Variants in DMD observed in about 807,000 individuals in gnomAD.
DMD encodes the protein mutant dystrophin.
DMD carries 63 observed loss-of-function variants against 330.1 expected under a neutral mutation model. The observed-to-expected ratio is 0.19, with a 90% CI of 0.16 to 0.24. The LOEUF (loss-of-function observed/expected upper bound fraction) is 0.24. Among genes scored for constraint, DMD ranks in the 10% least tolerant of loss-of-function variants. The probability of loss-of-function intolerance (pLI) is 1.00; values close to 1 mark genes in which losing one functional copy is unlikely to be tolerated. For missense variants in DMD, 3,344 were observed against 2,684.1 expected, an observed-to-expected ratio of 1.25 and a Z score of -5.43; for synonymous variants, 1,223 against 959.8, an observed-to-expected ratio of 1.27 and a Z score of -5.07.
chrX:33,181,431 A>G (rs1001294346), intron 1 of DMD, among the ~76,000 whole-genome samples: 5 of 111,888 alleles, frequency 4.5e-5, no homozygotes, highest in African/African-American at 1.6e-4. Context: ...GTTATAACAC[A>G]GGTAACTATA....
intron 30 of DMD, among the ~76,000 whole-genome samples, chrX:32,390,875 C>T (rs1749020099): frequency 1.8e-5 from 2 of 111,289 alleles, no homozygotes; most frequent in Admixed American, 1.9e-4. Flanking sequence ...TTCAGGGAAG[C>T]TATGAATCTA....
At chrX:33,077,062 C>A (rs1007150695) in intron 1 of DMD, among the ~76,000 whole-genome samples, 2 of 110,989 alleles carry the variant, frequency 1.8e-5, no homozygotes, top group Non-Finnish European at 3.8e-5. Context: ...GTTTATTGAT[C>A]TGGGTGGTGC....
intron 1 of DMD, among the ~76,000 whole-genome samples, chrX:33,071,422 T>TA (rs747432653): frequency 0.089 from 6,352 of 70,979 alleles, 291 homozygotes; most frequent in African/African-American, 0.13. Context: ...CTGTCCTGAT[T>TA]AAAAAAAAAA....
chrX:31,551,265 G>A (rs1200297201), intron 55 of DMD, among the ~76,000 whole-genome samples: 1 of 110,374 alleles, frequency 9.1e-6, no homozygotes, highest in Non-Finnish European at 1.9e-5. Flanking sequence ...ATGCTCTGAG[G>A]ATCTTTGGAA....
At chrX:32,959,285 C>T (rs2091771596) in intron 2 of DMD, among the ~76,000 whole-genome samples, 1 of 111,071 alleles carries the variant, frequency 9.0e-6, no homozygotes, top group South Asian at 3.8e-4. Flanking sequence ...GTACAAGGCA[C>T]CTAATTTGAA....
rs951089314 is a variant in DMD, at chrX:32,438,114, T to C, written c.4071+127A>G. ...TAAAGAATTTACCCAGTGTCTGGCA[T>C]TGGATTGTCTCTGAAACCTGAAAGC... On this transcript the variant is annotated intron_variant, in intron 29 of 78. Coordinates refer to ENST00000357033, the MANE Select transcript of DMD (RefSeq NM_004006.3). 4 of 700,202 alleles carry C rather than the reference T, an allele frequency of 5.7e-6. No individual in the cohort carries two copies. In the Admixed American group the frequency reaches 8.1e-5, roughly 14 times the overall value. 57.7% of individuals were successfully genotyped at this position (700,202 alleles called of 1,213,427 possible). A position where few individuals can be genotyped will look rare whatever the true frequency, so the allele number is the denominator to read the frequency against.
At chrX:32,454,037 CTATT>C (rs2098344516) in intron 26 of DMD, among the ~76,000 whole-genome samples, 1 of 110,535 alleles carries the variant, frequency 9.0e-6, no homozygotes, top group Non-Finnish European at 1.9e-5. Flanking sequence ...ATTATATTGA[CTATT>C]ATATTGTTGC....
At chrX:31,388,026 A>C (rs2060526145) in intron 60 of DMD, among the ~76,000 whole-genome samples, 1 of 103,998 alleles carries the variant, frequency 9.6e-6, no homozygotes, top group African/African-American at 3.5e-5. Context: ...TTGAGATGGA[A>C]TCTTGCTCAG....
At chrX:32,954,271 T>G (rs1447956702) in intron 2 of DMD, among the ~76,000 whole-genome samples, 1 of 112,157 alleles carries the variant, frequency 8.9e-6, no homozygotes, top group Non-Finnish European at 1.9e-5. Context: ...AGAGATACTT[T>G]GGATTCAAGG....
chrX:31,221,102 T>C (rs961551532), intron 64 of DMD, among the ~76,000 whole-genome samples: 1 of 109,148 alleles, frequency 9.2e-6, no homozygotes, highest in Non-Finnish European at 1.9e-5. Context: ...TCTCCCTTAC[T>C]ACTCTGCTAA....
chrX:33,123,282 C>T (rs998606844), intron 1 of DMD, among the ~76,000 whole-genome samples: 23 of 112,056 alleles, frequency 2.1e-4, no homozygotes, highest in Non-Finnish European at 3.2e-4. Context: ...CTGGTGTTAA[C>T]ACATAACTGT....
At chrX:32,282,577 AC>A (rs1239247296) in intron 43 of DMD, among the ~76,000 whole-genome samples, 1 of 112,167 alleles carries the variant, frequency 8.9e-6, no homozygotes, top group Non-Finnish European at 1.9e-5. Context: ...TTGTTGAGAT[AC>A]ATGTTGAAAT....
chrX:31,180,671 T>C (rs996257757), intron 68 of DMD, among the ~76,000 whole-genome samples, 190 bp from the exon 69 acceptor site: 1 of 111,656 alleles, frequency 9.0e-6, no homozygotes, highest in African/African-American at 3.3e-5. Flanking sequence ...CCAAAACATT[T>C]TGGCAGAAAG....
At chrX:32,384,596 T>C (rs756145640) in intron 33 of DMD, among the ~76,000 whole-genome samples, 18 of 110,979 alleles carry the variant, frequency 1.6e-4, no homozygotes, top group Non-Finnish European at 2.9e-4. Context: ...AAATGATTAC[T>C]TCCAGATTTC....
intron 2 of DMD, among the ~76,000 whole-genome samples, chrX:32,993,441 T>A (rs972266308): frequency 5.5e-5 from 6 of 109,474 alleles, no homozygotes; most frequent in Admixed American, 9.8e-5. Flanking sequence ...CCGTCTCTAC[T>A]AAAATACAAT....
chrX:31,903,245 T>C (rs1265635656), intron 47 of DMD, among the ~76,000 whole-genome samples: 1 of 111,785 alleles, frequency 8.9e-6, no homozygotes, highest in South Asian at 3.7e-4. Flanking sequence ...GTTTTGTAAT[T>C]TGGTGAGTGT....
chrX:31,167,811 G>A (rs887603433), intron 74 of DMD, among the ~76,000 whole-genome samples: 2 of 111,822 alleles, frequency 1.8e-5, no homozygotes, highest in African/African-American at 6.5e-5. Flanking sequence ...CATTTCCTGA[G>A]TAGCCATTAA....
At chrX:33,232,940 C>T (rs770194834) in intron 1 of DMD, among the ~76,000 whole-genome samples, 35 of 110,911 alleles carry the variant, frequency 3.2e-4, no homozygotes, top group African/African-American at 1.1e-3. Flanking sequence ...AGGGTCCTAC[C>T]GGGAAAAGAA....
At chrX:31,368,970 T>C (rs16989576) in intron 60 of DMD, among the ~76,000 whole-genome samples, 1,719 of 111,692 alleles carry the variant, frequency 0.015, 40 homozygotes, top group African/African-American at 0.053. Flanking sequence ...GATTCTGTGA[T>C]GAGGTAACCC....
Sources: allele counts gnomAD v4.1 joint callset (sites outside exome capture counted in the v4.1 genomes callset), GRCh38; gene constraint gnomAD v4.1.1; transcripts MANE v1.5; gene names NCBI Gene and HGNC (gene_info 2026-07-23, HGNC 2026-07-21).